Variants in TNXB observed in about 807,000 individuals in gnomAD.
The protein encoded by TNXB is tenascin XB, also known as tenascin-X.
A neutral mutation model predicts 340.5 loss-of-function variants in TNXB; 183 were observed. The observed-to-expected ratio is 0.54, with a 90% confidence interval of 0.48 to 0.61. TNXB has a LOEUF of 0.61. Among genes scored for constraint, TNXB ranks in the 20% least tolerant of loss-of-function variants. The pLI is 0.00. For missense variants in TNXB, 4,613 were observed against 5,446.4 expected (o/e 0.85, Z 4.82); for synonymous variants, 2,121 against 2,314.5 (o/e 0.92, Z 2.40).
In TNXB at chr6:32,089,393, C is replaced by T. The variant is rs1326587558; in HGVS notation, c.2359-14G>A. The T allele has an allele frequency of 1.9e-6, 3 of 1,599,638 alleles. No individual in the cohort carries two copies. Among genetic ancestry groups the T allele is most frequent in the East Asian group, 4.5e-5 (2 of 44,600 alleles). On this transcript the variant is annotated splice_polypyrimidine_tract_variant and intron_variant, in intron 4 of 43. Transcript: ENST00000644971. This position sits in a 1 kb window ranked among gnomAD's most constrained non-coding sequence, Gnocchi z 6.2. ...CGCCCCCTCTGTCTGTGAGAGAGAG[C>T]ACCAGGTGGCTCAGGGGCTGGCACT...
At position 32,062,466 on chromosome 6, in the gene TNXB, C is replaced by G. The variant is rs775957919; in HGVS notation, c.6859G>C (p.Glu2287Gln). Residue 2287 changes from glutamate (E) to glutamine (Q), a missense_variant, in exon 20 of 44, where the codon GAA (glutamate) becomes CAA (glutamine). Around this residue, in one of 7 missense-constraint regions of TNXB, gnomAD observed 4,327 missense variants for 4,859.4 expected, o/e 0.89. Coordinates refer to ENST00000644971, the MANE Select transcript of TNXB (RefSeq NM_001365276.2). This position sits in a 1 kb window ranked among gnomAD's most constrained non-coding sequence, Gnocchi z 4.3. The part of the protein sequence containing the change: ...VGLTAPGKDE[E>Q]MAPASTEPPT... ...GGTTCTGTCGAGGCTGGGGCCATTT[C>G]TTCATCCTTTCCTGGGGCTGCATCA... 3 of 1,605,634 alleles carry G rather than the reference C, an allele frequency of 1.9e-6. No homozygotes were observed. Among genetic ancestry groups the G allele is most frequent in the Non-Finnish European group, 2.6e-6 (3 of 1,174,598 alleles).
At position 32,041,279 on chromosome 6, in the gene TNXB, G is replaced by A. The variant is rs1776356403; in HGVS notation, c.*70C>T. 1 of 766,170 alleles carries A rather than the reference G, an allele frequency of 1.3e-6. No individual in the cohort carries two copies. The highest frequency in any genetic ancestry group is 2.3e-6 in the Non-Finnish European group (1 of 436,018). 47.5% of individuals were successfully genotyped at this position (766,170 alleles called of 1,614,324 possible). A position where few individuals can be genotyped will look rare whatever the true frequency, so the allele number is the denominator to read the frequency against. ...CAGCGGCTGGGTGGTGAAGGACCCT[G>A]GCTCTTCTCTCGGGGCGACCCCTCA... On this transcript the variant is annotated 3_prime_UTR_variant, in exon 44 of 44. Transcript: ENST00000644971.
chr6:32,096,601 G>A lies in TNXB; in HGVS notation c.1252C>T (p.Arg418Cys), dbSNP rs570402166. The A allele has an allele frequency of 3.0e-5, 48 of 1,577,536 alleles. No homozygotes were observed. Among genetic ancestry groups the A allele is most frequent in the East Asian group, 1.4e-4 (6 of 42,850 alleles). ...CNQRGRCEDG[R>C]CVCWPGYTGT... is the part of the protein sequence containing the mutation. The stretch of plus-strand genomic sequence containing the variant: ...GTGTACCCCGGCCAGCACACGCAGC[G>A]GCCGTCCTCGCAGCGGCCCCTTTGG... The change falls in exon 3 of 44, where the codon CGC becomes TGC. Residue 418 changes from arginine to cysteine, a missense_variant. By Grantham distance (180) the Arg-to-Cys change is radical. Around this residue, in one of 7 missense-constraint regions of TNXB, gnomAD observed 4,327 missense variants for 4,859.4 expected, o/e 0.89. Coordinates refer to ENST00000644971, the MANE Select transcript of TNXB (RefSeq NM_001365276.2).
intron 18 of TNXB, among the ~76,000 whole-genome samples, chr6:32,066,592 A>T (rs1372398747): frequency 1.3e-5 from 2 of 152,242 alleles, no homozygotes; most frequent in African/African-American, 2.4e-5. Context: ...TAGATTAGTT[A>T]TAAACTAGGG....
In TNXB at chr6:32,061,712, C is replaced by T. The variant is rs1778029831; in HGVS notation, c.7177G>A (p.Glu2393Lys). ...GGTTCTGTGGGGCTGGGGGTCTCTT[C>T]CTCTGCAGCTGAGAAAAAGGGACAC... Reference protein sequence around the residue: ...VSAIGVTAAEEETPSPTEPSM... With the variant: ...VSAIGVTAAEKETPSPTEPSM... The change falls in exon 21 of 44, where the codon GAA (glutamate) becomes AAA (lysine). Residue 2393 changes from glutamate (E) to lysine (K), a missense_variant. Physicochemically the swap from Glu to Lys is moderately conservative, Grantham distance 56. Around this residue, in one of 7 missense-constraint regions of TNXB, gnomAD observed 4,327 missense variants for 4,859.4 expected, o/e 0.89. Transcript: ENST00000644971. The surrounding 1 kb of genome is among the most constrained non-coding windows in gnomAD (Gnocchi z 4.4). The T allele has an allele frequency of 1.2e-6, 2 of 1,610,392 alleles. No individual in the cohort carries two copies. The highest frequency in any genetic ancestry group is 1.6e-4 in the Middle Eastern group (1 of 6,074).
rs1382745394 is a variant in TNXB at position 32,097,075 on chromosome 6, C to A, written c.778G>T (p.Glu260Ter). 1 of 1,613,418 alleles carries A rather than the reference C, an allele frequency of 6.2e-7. No homozygotes were observed. The highest frequency in any genetic ancestry group is 1.3e-5 in the African/African-American group (1 of 74,888). ...GGGTCACACACGCAGCGCCCACCCT[C>A]ACAGCGTCCCCTCTGGCTGCAACCT... ...PRGCSQRGRC[E>*]GGRCVCDPGY... is the part of the protein sequence containing the mutation. Residue 260 changes from glutamate to a stop codon, truncating the protein, a stop_gained, in exon 3 of 44, where the codon GAG becomes TAG. Transcript: ENST00000644971. LOFTEE classifies it high-confidence loss of function. The surrounding 1 kb of genome is among the most constrained non-coding windows in gnomAD (Gnocchi z 5.9).
rs1243209149 is a variant in TNXB, at chr6:32,087,068, C to T, written c.2780-950G>A. 2.6e-5 allele frequency among the ~76,000 whole-genome samples: 4 copies of T among 152,222 alleles called. No individual in the cohort carries two copies. The highest frequency in any genetic ancestry group is 1.3e-4 in the Admixed American group (2 of 15,290). On this transcript the variant is annotated intron_variant, in intron 6 of 43. Coordinates refer to ENST00000644971, the MANE Select transcript of TNXB (RefSeq NM_001365276.2). The surrounding 1 kb of genome is among the most constrained non-coding windows in gnomAD (Gnocchi z 9.0). ...GGATGCCAGGACCCTGGGGTGGGGA[C>T]GTCTTCTAGGGACAATGGACTCGTG...
chr6:32,079,180 C>T lies in TNXB; in HGVS notation c.4228G>A (p.Asp1410Asn), dbSNP rs1779291881. ...DSFTVQYKDR[D>N]GRPRAVRVGG... ...ACACGCACCGCCCGGGGCCGCCCATCCCTGTCCTTGTACTGCACGGTGAAA... is the reference window on the plus strand; with the variant it reads ...ACACGCACCGCCCGGGGCCGCCCATTCCTGTCCTTGTACTGCACGGTGAAA... Residue 1410 changes from aspartate to asparagine, a missense_variant, in exon 11 of 44, where the codon GAT (aspartate) becomes AAT (asparagine). By Grantham distance (23) the Asp-to-Asn change is conservative. Coordinates refer to ENST00000644971, the MANE Select transcript of TNXB (RefSeq NM_001365276.2). The surrounding 1 kb of genome is among the most constrained non-coding windows in gnomAD (Gnocchi z 7.1). The T allele has an allele frequency of 2.5e-6, 4 of 1,613,882 alleles. No individual in the cohort carries two copies. The highest frequency in any genetic ancestry group is 3.4e-6 in the Non-Finnish European group (4 of 1,179,880).
At position 32,096,207 on chromosome 6, in the gene TNXB, T is replaced by A; in HGVS notation, c.1646A>T (p.Tyr549Phe). 1.3e-6 allele frequency: 2 copies of A among 1,567,990 alleles called. No individual in the cohort carries two copies. Among genetic ancestry groups the A allele is most frequent in the Non-Finnish European group, 1.7e-6 (2 of 1,159,708 alleles). ...EDGVCVCDAGYSGEDCSTRSC... is the reference protein window; with the variant it reads ...EDGVCVCDAGFSGEDCSTRSC... Reference sequence around the variant, plus strand: ...GCGCGTGCTGCAGTCTTCCCCTGAGTAGCCTGCGTCACACACGCACACGCC... The same window carrying A: ...GCGCGTGCTGCAGTCTTCCCCTGAGAAGCCTGCGTCACACACGCACACGCC... Residue 549 changes from tyrosine to phenylalanine, a missense_variant, in exon 3 of 44, where the codon TAC becomes TTC. Tyr to Phe is a conservative substitution (Grantham distance 22). Around this residue, in one of 7 missense-constraint regions of TNXB, gnomAD observed 4,327 missense variants for 4,859.4 expected, o/e 0.89. Transcript: ENST00000644971.
rs547185346 is a variant in TNXB at position 32,052,831 on chromosome 6, T to G, written c.8954A>C (p.Gln2985Pro). 1 of 1,613,662 alleles carries G rather than the reference T, an allele frequency of 6.2e-7. No individual in the cohort carries two copies. Among genetic ancestry groups the G allele is most frequent in the East Asian group, 2.2e-5 (1 of 44,882 alleles). ...PQGRFDSFTV[Q>P]YKDRDGRPQV... is the part of the protein sequence containing the mutation. Reference sequence around the variant, plus strand: ...GGGCCGCCCGTCCCTGTCCTTGTACTGCACAGTGAAGGAGTCGAAGCGGCC... The same window carrying G: ...GGGCCGCCCGTCCCTGTCCTTGTACGGCACAGTGAAGGAGTCGAAGCGGCC... Residue 2985 changes from glutamine to proline, a missense_variant, in exon 26 of 44, where the codon CAG (glutamine) becomes CCG (proline). Physicochemically the swap from Gln to Pro is moderately conservative, Grantham distance 76. Around this residue, in one of 7 missense-constraint regions of TNXB, gnomAD observed 4,327 missense variants for 4,859.4 expected, o/e 0.89. Coordinates refer to ENST00000644971, the MANE Select transcript of TNXB (RefSeq NM_001365276.2). The surrounding 1 kb of genome is among the most constrained non-coding windows in gnomAD (Gnocchi z 4.7).
At chr6:32,106,417 G>A (rs889898372) in intron 1 of TNXB, among the ~76,000 whole-genome samples, 2 of 152,076 alleles carry the variant, frequency 1.3e-5, no homozygotes, top group African/African-American at 4.8e-5. Flanking sequence ...GAAAGGAGGA[G>A]GGCAGGGTGG....
In TNXB at chr6:32,085,746, G is replaced by C; in HGVS notation, c.3148+4C>G. The stretch of plus-strand genomic sequence containing the variant: ...TATTGATCTGAGCAGAGTCCAAGAT[G>C]TACCCATAATGCCTTGGTAGATGAT... On this transcript the variant is annotated splice_donor_region_variant and intron_variant, in intron 7 of 43. Transcript: ENST00000644971. The surrounding 1 kb of genome is among the most constrained non-coding windows in gnomAD (Gnocchi z 6.4). 1 of 1,534,582 alleles carries C rather than the reference G, an allele frequency of 6.5e-7. No homozygotes were observed. The highest frequency in any genetic ancestry group is 8.8e-7 in the Non-Finnish European group (1 of 1,139,750).
chr6:32,086,142 AAG>A lies in TNXB; in HGVS notation c.2780-26_2780-25del, dbSNP rs1211370782. On this transcript the variant is annotated intron_variant, in intron 6 of 43. Coordinates refer to ENST00000644971, the MANE Select transcript of TNXB (RefSeq NM_001365276.2). ...CCCTGGGAAGGGGCAGGGTGAGAAA[AAG>A]AGGAGAGTCCAGTATGAGAACTAGA... 2.7e-6 allele frequency: 4 copies of A among 1,470,588 alleles called. No individual in the cohort carries two copies. In the South Asian group the frequency reaches 4.2e-5, roughly 15 times the overall value. 91.1% of individuals were successfully genotyped at this position (1,470,588 alleles called of 1,614,324 possible). A position where few individuals can be genotyped will look rare whatever the true frequency, so the allele number is the denominator to read the frequency against.
Position 32,056,735 on chromosome 6 carries a change from C to G in TNXB, c.7994G>C (p.Gly2665Ala). 1 of 1,613,308 alleles carries G rather than the reference C, an allele frequency of 6.2e-7. No homozygotes were observed. Among genetic ancestry groups the G allele is most frequent in the South Asian group, 1.1e-5 (1 of 91,084 alleles). ...FDHFLVQYRN[G>A]DGQPKAVRVP... The stretch of plus-strand genomic sequence containing the variant: ...CCGCACCGCCTTGGGCTGCCCATCC[C>G]CATTCCTGTACTGGACCAGGAAGTG... The change falls in exon 23 of 44, where the codon GGG (glycine) becomes GCG (alanine). Residue 2665 changes from glycine (G) to alanine (A), a missense_variant. Coordinates refer to ENST00000644971, the MANE Select transcript of TNXB (RefSeq NM_001365276.2).
At chr6:32,092,742 C>G (rs1268900163) in intron 4 of TNXB, among the ~76,000 whole-genome samples, 1 of 151,862 alleles carries the variant, frequency 6.6e-6, no homozygotes, top group Non-Finnish European at 1.5e-5. Flanking sequence ...TGGCACTTGC[C>G]AAGGCAGAAG....
In TNXB at chr6:32,056,637, C is replaced by A; in HGVS notation, c.8092G>T (p.Gly2698Cys). Reference sequence around the variant, plus strand: ...CCCACGCGCTGGCCACCGTGGAAGCCGTACAGGTTCATCTTGTATTTATGG... The same window carrying A: ...CCCACGCGCTGGCCACCGTGGAAGCAGTACAGGTTCATCTTGTATTTATGG... Reference protein sequence around the residue: ...PDHKYKMNLYGFHGGQRVGPI... With the variant: ...PDHKYKMNLYCFHGGQRVGPI... Residue 2698 changes from glycine (G) to cysteine (C), a missense_variant, in exon 23 of 44, where the codon GGC becomes TGC. By Grantham distance (159) the Gly-to-Cys change is radical. This residue lies in a region of TNXB where 4,327 missense variants were observed against 4,859.4 expected (regional missense o/e 0.89). Transcript: ENST00000644971. 6.2e-7 allele frequency: 1 copy of A among 1,613,120 alleles called. No homozygotes were observed. The highest frequency in any genetic ancestry group is 1.1e-5 in the South Asian group (1 of 91,078).
rs1338513409 is a variant in TNXB at position 32,083,524 on chromosome 6, G to A, written c.3445+889C>T. Among the ~76,000 whole-genome samples, 1 of 152,184 alleles carries A rather than the reference G, an allele frequency of 6.6e-6. No homozygotes were observed. Among genetic ancestry groups the A allele is most frequent in the Non-Finnish European group, 1.5e-5 (1 of 68,020 alleles). On this transcript the variant is annotated intron_variant, in intron 8 of 43. Coordinates refer to ENST00000644971, the MANE Select transcript of TNXB (RefSeq NM_001365276.2). The surrounding 1 kb of genome is among the most constrained non-coding windows in gnomAD (Gnocchi z 4.6). ...ATCTAAGGCGTTGTTCCCCACCTCT[G>A]CTGCTCCCTGCCTCAGGGAATGGGA...
chr6:32,043,936 C>A (rs760750881), intron 34 of TNXB, 44 bp from the exon 35 acceptor site: 6 of 1,612,616 alleles, frequency 3.7e-6, no homozygotes, highest in Non-Finnish European at 5.1e-6. Flanking sequence ...AACCCCAGGG[C>A]AGCTGGAGGG....
In TNXB at chr6:32,043,753, G is replaced by T; in HGVS notation, c.11526C>A (p.Thr3842=). Reference sequence around the variant, plus strand: ...CCGGGTCCCAGTCCATCTCACCCGTGGTGAGGAAGCCTGTGAGAGGCTCAC... The same window carrying T: ...CCGGGTCCCAGTCCATCTCACCCGTTGTGAGGAAGCCTGTGAGAGGCTCAC... ...EESEPLTGFL[T]TVPDGPTQLR... The change falls in exon 35 of 44, where the codon ACC becomes ACA. Residue 3842 remains threonine (T), a synonymous_variant. Transcript: ENST00000644971. The T allele has an allele frequency of 1.2e-6, 2 of 1,613,500 alleles. No individual in the cohort carries two copies. Among genetic ancestry groups the T allele is most frequent in the African/African-American group, 2.7e-5 (2 of 75,026 alleles).
Sources: allele counts gnomAD v4.1 joint callset (sites outside exome capture counted in the v4.1 genomes callset), GRCh38; gene constraint gnomAD v4.1.1; regional missense constraint gnomAD v4.1.1; non-coding constraint Gnocchi (gnomAD v3.1); transcripts MANE v1.5; gene names NCBI Gene and HGNC (gene_info 2026-07-23, HGNC 2026-07-21).